The following COL14A1 variants were observed in gnomAD, a reference collection of about 807,000 sequenced individuals.
COL14A1 encodes the protein collagen type XIV alpha 1 chain.
A neutral mutation model predicts 230.3 loss-of-function variants in COL14A1; 136 were observed. The ratio of observed to expected loss-of-function variants is 0.59; its 90% confidence interval spans 0.51 to 0.68. COL14A1 has a LOEUF of 0.68. COL14A1 is among the 30% of genes least tolerant of loss of function. The probability of loss-of-function intolerance (pLI) is 0.00; values close to 1 mark genes in which losing one functional copy is unlikely to be tolerated. For missense variants in COL14A1, 1,976 were observed against 2,215.8 expected, an observed-to-expected ratio of 0.89 and a Z score of 2.17; for synonymous variants, 792 against 784.1, an observed-to-expected ratio of 1.01 and a Z score of -0.17.
chr8:120,345,568 G>T lies in COL14A1; in HGVS notation c.5077+5G>T. The T allele has an allele frequency of 6.5e-7, 1 of 1,531,246 alleles. No individual in the cohort carries two copies. Among genetic ancestry groups the T allele is most frequent in the East Asian group, 2.4e-5 (1 of 40,976 alleles). 94.9% of individuals were successfully genotyped at this position (1,531,246 alleles called of 1,614,324 possible). A position where few individuals can be genotyped will look rare whatever the true frequency, so the allele number is the denominator to read the frequency against. On this transcript the variant is annotated splice_donor_5th_base_variant and intron_variant, in intron 45 of 47. Transcript: ENST00000297848. Reference sequence around the variant, plus strand: ...CAGGGACCCCAGGAGAACGAGGTAAGCTGGGCCCCTTCTCTCAGAGGAACT... The same window carrying T: ...CAGGGACCCCAGGAGAACGAGGTAATCTGGGCCCCTTCTCTCAGAGGAACT...
At chr8:120,134,754 C>G (rs1393677379) in intron 1 of COL14A1, among the ~76,000 whole-genome samples, 1 of 152,158 alleles carries the variant, frequency 6.6e-6, no homozygotes, top group Admixed American at 6.5e-5. Flanking sequence ...GAAGTCAGAT[C>G]ACTTGAGGTC....
chr8:120,245,861 A>G (rs1818746721), intron 20 of COL14A1, among the ~76,000 whole-genome samples: 1 of 152,200 alleles, frequency 6.6e-6, no homozygotes, highest in Admixed American at 6.5e-5. Flanking sequence ...TGTAACAGCA[A>G]GAGTTCCAAG....
chr8:120,149,493 AC>A (rs1655505941), intron 2 of COL14A1, among the ~76,000 whole-genome samples: 1 of 152,042 alleles, frequency 6.6e-6, no homozygotes, highest in Non-Finnish European at 1.5e-5. Flanking sequence ...TATCTTCTAA[AC>A]TCCAGGATAC....
At position 120,340,111 on chromosome 8, in the gene COL14A1, T is replaced by TGA. The variant is rs764474398; in HGVS notation, c.4786-1213_4786-1212insAG. Among the ~76,000 whole-genome samples, 4 of 129,140 alleles carry TGA rather than the reference T, an allele frequency of 3.1e-5. No homozygotes were observed. The South Asian group carries it at 7.5e-4, about 24-fold the overall frequency. The allele number at this position is 129,140 out of a possible 152,430, so 84.7% of individuals were successfully genotyped here. A position where few individuals can be genotyped will look rare whatever the true frequency, so the allele number is the denominator to read the frequency against. On this transcript the variant is annotated intron_variant, in intron 42 of 47. Coordinates refer to ENST00000297848, the MANE Select transcript of COL14A1 (RefSeq NM_021110.4). ...TGGTGTATGTTTGTGAGTGAGTGAGTGTGTGTGTGTGTGTGTGTGTGTGTA... is the reference window on the plus strand; with the variant it reads ...TGGTGTATGTTTGTGAGTGAGTGAGTGAGTGTGTGTGTGTGTGTGTGTGTGTA...
intron 19 of COL14A1, 40 bp from the exon 20 acceptor site, chr8:120,243,839 G>A (rs530573889): frequency 1.7e-5 from 28 of 1,602,142 alleles, no homozygotes; most frequent in South Asian, 1.5e-4. Flanking sequence ...CAGTGGAAAC[G>A]GGTCTCACTA....
chr8:120,161,943 G>A (rs1346395766), intron 3 of COL14A1, among the ~76,000 whole-genome samples: 4 of 152,180 alleles, frequency 2.6e-5, no homozygotes, highest in Non-Finnish European at 5.9e-5. Flanking sequence ...AGGATTACAG[G>A]CGTGAGCCTC....
At chr8:120,267,336 T>C (rs1819528045) in intron 25 of COL14A1, among the ~76,000 whole-genome samples, 1 of 151,952 alleles carries the variant, frequency 6.6e-6, no homozygotes, top group South Asian at 2.1e-4. Flanking sequence ...GTAGTGATCA[T>C]TATTTTTTTA....
intron 2 of COL14A1, among the ~76,000 whole-genome samples, chr8:120,153,120 C>T (rs1305486963): frequency 6.6e-6 from 1 of 151,964 alleles, no homozygotes; most frequent in Non-Finnish European, 1.5e-5. Flanking sequence ...AATTTAATTG[C>T]TCCGATTTAT....
chr8:120,126,811 T>C (rs986250872), intron 1 of COL14A1, among the ~76,000 whole-genome samples: 10 of 152,224 alleles, frequency 6.6e-5, no homozygotes, highest in African/African-American at 2.4e-4. Context: ...AATAAATGAA[T>C]GAATGAACAG....
At chr8:120,294,594 T>TA (rs544745157) in intron 34 of COL14A1, among the ~76,000 whole-genome samples, 926 of 9,478 alleles carry the variant, frequency 0.098, 10 homozygotes, top group African/African-American at 0.39. Flanking sequence ...AAATATGAGA[T>TA]CTTTGACATA....
intron 23 of COL14A1, among the ~76,000 whole-genome samples, chr8:120,260,877 A>G (rs1170265404): frequency 6.6e-6 from 1 of 152,180 alleles, no homozygotes; most frequent in Admixed American, 6.6e-5. Flanking sequence ...TTGGAAAACT[A>G]TATATTTCAT....
In COL14A1 at chr8:120,154,862, G is replaced by A. The variant is rs137860889; in HGVS notation, c.89-3268G>A. Among the ~76,000 whole-genome samples the A allele has an allele frequency of 1.7e-3, 255 of 152,206 alleles. 3 individuals carry two copies. The highest frequency in any genetic ancestry group is 5.9e-3 in the African/African-American group (246 of 41,520). ...TGGTATAAAATGTACACAAAGTTTT[G>A]TTCCATGAGATAAGAGCAATTATTT... On this transcript the variant is annotated intron_variant, in intron 2 of 47. Coordinates refer to ENST00000297848, the MANE Select transcript of COL14A1 (RefSeq NM_021110.4).
intron 37 of COL14A1, among the ~76,000 whole-genome samples, chr8:120,311,929 C>T (rs6998902): frequency 3.3e-5 from 5 of 151,876 alleles, no homozygotes; most frequent in African/African-American, 9.7e-5. Context: ...GAAACCCTGT[C>T]TCTACTAAAA....
At chr8:120,315,656 A>G in intron 39 of COL14A1, 70 bp downstream of exon 39, 1 of 1,267,768 alleles carries the variant, frequency 7.9e-7, no homozygotes, top group Non-Finnish European at 1.1e-6. Flanking sequence ...AAAAAGCTGT[A>G]GCTTCTGAAG....
intron 4 of COL14A1, among the ~76,000 whole-genome samples, chr8:120,162,865 T>C (rs1815731720): frequency 6.6e-6 from 1 of 152,208 alleles, no homozygotes; most frequent in Admixed American, 6.5e-5. Context: ...TTTCTTAGCA[T>C]CTAGAGCTTC....
chr8:120,136,153 A>G (rs570928566), intron 1 of COL14A1, among the ~76,000 whole-genome samples: 1 of 152,100 alleles, frequency 6.6e-6, no homozygotes, highest in Non-Finnish European at 1.5e-5. Flanking sequence ...GAGTGGAACT[A>G]GTAATAGTTA....
chr8:120,233,439 G>A (rs1818342590), intron 19 of COL14A1, among the ~76,000 whole-genome samples: 4 of 147,140 alleles, frequency 2.7e-5, no homozygotes, highest in African/African-American at 7.8e-5. Flanking sequence ...TTTCATTTTT[G>A]AAACATGCGG....
intron 5 of COL14A1, among the ~76,000 whole-genome samples, chr8:120,186,738 C>G (rs1042314947): frequency 6.6e-6 from 1 of 152,144 alleles, no homozygotes; most frequent in African/African-American, 2.4e-5. Context: ...TAGTGCCCTG[C>G]TGGAAGTGTG....
At chr8:120,267,530 G>A (rs1005103488) in intron 25 of COL14A1, among the ~76,000 whole-genome samples, 3 of 151,890 alleles carry the variant, frequency 2.0e-5, no homozygotes, top group African/African-American at 7.2e-5. Context: ...GTTGTATTAT[G>A]TACCACCCAG....
Sources: allele counts gnomAD v4.1 joint callset (sites outside exome capture counted in the v4.1 genomes callset), GRCh38; gene constraint gnomAD v4.1.1; transcripts MANE v1.5; gene names NCBI Gene and HGNC (gene_info 2026-07-23, HGNC 2026-07-21).